Variants in PDGFC observed in about 807,000 individuals in gnomAD.
PDGFC encodes platelet-derived growth factor C.
Under a neutral mutation model 35.5 loss-of-function variants are expected in PDGFC, and 12 were observed. That is an observed-to-expected ratio of 0.34 (90% CI 0.22 to 0.55). The LOEUF is 0.55. PDGFC is among the 20% of genes least tolerant of loss of function. The pLI is 0.91. For missense variants in PDGFC, 322 were observed against 412.4 expected, an observed-to-expected ratio of 0.78 and a Z score of 1.90; for synonymous variants, 159 against 148.8, an observed-to-expected ratio of 1.07 and a Z score of -0.50.
intron 1 of PDGFC, among the ~76,000 whole-genome samples, chr4:156,854,581 T>G (rs996916635): frequency 6.8e-6 from 1 of 147,614 alleles, no homozygotes; most frequent in Non-Finnish European, 1.5e-5. Context: ...CTGTCAAAGT[T>G]TTATGTAAAT....
At chr4:156,837,289 G>A (rs1421057283) in intron 2 of PDGFC, among the ~76,000 whole-genome samples, 1 of 152,204 alleles carries the variant, frequency 6.6e-6, no homozygotes, top group Non-Finnish European at 1.5e-5. Context: ...TGAGGCAGGA[G>A]AATCCCTTGA....
intron 1 of PDGFC, among the ~76,000 whole-genome samples, chr4:156,928,113 G>T (rs948803080): frequency 6.6e-6 from 1 of 152,008 alleles, no homozygotes; most frequent in Non-Finnish European, 1.5e-5. Context: ...GGGGGAAACC[G>T]CCCCCATGAT....
At chr4:156,908,041 C>T (rs913800712) in intron 1 of PDGFC, among the ~76,000 whole-genome samples, 3 of 152,096 alleles carry the variant, frequency 2.0e-5, no homozygotes, top group African/African-American at 7.2e-5. Flanking sequence ...GCGGCATGCA[C>T]CTTAGTCACA....
At position 156,761,965 on chromosome 4, in the gene PDGFC, C is replaced by T. The variant is rs139968650; in HGVS notation, c.*1125G>A. On this transcript the variant is annotated 3_prime_UTR_variant, in exon 6 of 6. Transcript: ENST00000502773. The stretch of plus-strand genomic sequence containing the variant: ...TTTTTCTGAGCTAGGCTCAGATTTC[C>T]CCAAAAAAGGAATAGGTTAGTAATG... 704 of 152,614 alleles carry T rather than the reference C, an allele frequency of 4.6e-3. 5 individuals carry two copies. Among genetic ancestry groups the T allele is most frequent in the Non-Finnish European group, 7.4e-3 (504 of 67,998 alleles). The allele number at this position is 152,614 out of a possible 1,614,324, so 9.5% of individuals were successfully genotyped here.
At chr4:156,925,410 C>A (rs1480941899) in intron 1 of PDGFC, among the ~76,000 whole-genome samples, 1 of 152,038 alleles carries the variant, frequency 6.6e-6, no homozygotes, top group Non-Finnish European at 1.5e-5. Flanking sequence ...GAAGGAAGTT[C>A]ACTGGCTTGT....
chr4:156,917,448 T>G, intron 1 of PDGFC, among the ~76,000 whole-genome samples: 1 of 152,202 alleles, frequency 6.6e-6, no homozygotes, highest in East Asian at 1.9e-4. Context: ...TGGTTATGAT[T>G]TGTATGATTT....
chr4:156,873,928 T>C (rs2111151236), intron 1 of PDGFC: 1 of 152,306 alleles, frequency 6.6e-6, no homozygotes, highest in African/African-American at 2.4e-5. Flanking sequence ...CAAAAGATCG[T>C]TCCCTTACTC....
At chr4:156,834,814 C>A (rs186166526) in intron 2 of PDGFC, among the ~76,000 whole-genome samples, 2 of 152,038 alleles carry the variant, frequency 1.3e-5, no homozygotes, top group Admixed American at 6.6e-5. Flanking sequence ...ATAGAAAGCC[C>A]TTTACTACTT....
At chr4:156,838,155 A>G (rs1235022652) in intron 2 of PDGFC, among the ~76,000 whole-genome samples, 1 of 152,236 alleles carries the variant, frequency 6.6e-6, no homozygotes, top group Non-Finnish European at 1.5e-5. Context: ...CAGTAACTAA[A>G]TTTGAAAGCT....
intron 1 of PDGFC, among the ~76,000 whole-genome samples, chr4:156,883,563 A>C (rs1579075844): frequency 6.6e-6 from 1 of 152,226 alleles, no homozygotes; most frequent in Non-Finnish European, 1.5e-5. Flanking sequence ...TGCTTTGATT[A>C]ATTACACTGC....
chr4:156,836,476 G>T (rs2111039889), intron 2 of PDGFC, among the ~76,000 whole-genome samples: 1 of 152,196 alleles, frequency 6.6e-6, no homozygotes. Flanking sequence ...TATACCAACT[G>T]AAAACCCTTA....
chr4:156,956,983 G>A (rs966239710), intron 1 of PDGFC, among the ~76,000 whole-genome samples: 1 of 151,932 alleles, frequency 6.6e-6, no homozygotes, highest in African/African-American at 2.4e-5. Context: ...CAAGAAAAAT[G>A]GCGAGAAGCT....
At chr4:156,792,379 G>C (rs1480211429) in intron 3 of PDGFC, among the ~76,000 whole-genome samples, 1 of 152,034 alleles carries the variant, frequency 6.6e-6, no homozygotes, top group East Asian at 1.9e-4. Context: ...GAGCCAATTT[G>C]GAATTGAGTT....
intron 1 of PDGFC, among the ~76,000 whole-genome samples, chr4:156,897,892 C>A (rs1430110711): frequency 6.6e-6 from 1 of 152,174 alleles, no homozygotes; most frequent in Non-Finnish European, 1.5e-5. Context: ...AAATCATGAG[C>A]TTCACACCAT....
intron 1 of PDGFC, among the ~76,000 whole-genome samples, chr4:156,857,151 A>G (rs12505152): frequency 0.12 from 18,186 of 151,922 alleles, 1,318 homozygotes; most frequent in South Asian, 0.42. Flanking sequence ...TTTGTATAAA[A>G]GAATTACTAA....
intron 1 of PDGFC, among the ~76,000 whole-genome samples, chr4:156,875,597 A>G (rs1003434337): frequency 4.6e-5 from 7 of 152,206 alleles, no homozygotes; most frequent in Admixed American, 3.9e-4. Context: ...TTGTCCCGAC[A>G]TATCGGAAAG....
chr4:156,926,273 A>G (rs1261395834), intron 1 of PDGFC, among the ~76,000 whole-genome samples: 1 of 152,138 alleles, frequency 6.6e-6, no homozygotes, highest in Non-Finnish European at 1.5e-5. Context: ...TAGGATCTTA[A>G]TGACCCTTAA....
Position 156,806,674 on chromosome 4 carries a change from C to G in PDGFC, c.495+4163G>C, listed in dbSNP as rs562641463. On this transcript the variant is annotated intron_variant, in intron 3 of 5. Coordinates refer to ENST00000502773, the MANE Select transcript of PDGFC (RefSeq NM_016205.3). ...GGTATGGTTTAATTGAAGCAGTTTT[C>G]TGACCAAAAAATATGCAGTACTTTT... 2.0e-5 allele frequency among the ~76,000 whole-genome samples: 3 copies of G among 151,976 alleles called. No homozygotes were observed. In the East Asian group the frequency reaches 5.8e-4, roughly 29 times the overall value.
At chr4:156,855,978 T>C (rs1341494976) in intron 1 of PDGFC, among the ~76,000 whole-genome samples, 1 of 152,112 alleles carries the variant, frequency 6.6e-6, no homozygotes, top group Non-Finnish European at 1.5e-5. Flanking sequence ...CAAACAAATC[T>C]CTCTCCATCA....
Sources: gnomAD v4.1 joint callset for allele counts (sites outside exome capture counted in the v4.1 genomes callset) on GRCh38, gnomAD v4.1.1 for gene constraint, MANE v1.5 for transcripts, NCBI Gene and HGNC (gene_info 2026-07-23, HGNC 2026-07-21) for gene names.